Variants in CFAP54 observed in about 807,000 individuals in gnomAD.
The protein encoded by CFAP54 is cilia and flagella associated protein 54, also known as cilia- and flagella-associated protein 54.
Under a neutral mutation model 370.4 loss-of-function variants are expected in CFAP54, and 290 were observed. The observed-to-expected ratio is 0.78, with a 90% confidence interval of 0.71 to 0.86. The LOEUF (loss-of-function observed/expected upper bound fraction) is 0.86, where lower values mean the gene tolerates loss of function less well. CFAP54 is among the 40% of genes least tolerant of loss of function. The pLI, the probability that CFAP54 is intolerant of heterozygous loss-of-function variation, is 0.00. For synonymous variants in CFAP54, 1,206 were observed against 1,236.5 expected, an observed-to-expected ratio of 0.98 and a Z score of 0.52; for missense variants, 3,399 against 3,528.7, an observed-to-expected ratio of 0.96 and a Z score of 0.93.
chr12:96,743,308 C>T (rs2136643233), intron 52 of CFAP54, 94 bp from the exon 53 acceptor site: 2 of 1,230,380 alleles, frequency 1.6e-6, no homozygotes, highest in Non-Finnish European at 2.3e-6. Flanking sequence ...TTTGATATTA[C>T]ACAATATTTC....
intron 42 of CFAP54, among the ~76,000 whole-genome samples, chr12:96,685,893 T>C (rs1418949348): frequency 6.6e-6 from 1 of 152,138 alleles, no homozygotes; most frequent in Non-Finnish European, 1.5e-5. Context: ...GAGCAGTTGG[T>C]GAGGAAGCAG....
At chr12:96,795,929 T>A (rs966195568) in intron 63 of CFAP54, among the ~76,000 whole-genome samples, 8 of 152,142 alleles carry the variant, frequency 5.3e-5, no homozygotes, top group Non-Finnish European at 1.2e-4. Flanking sequence ...AAGTTAGAAA[T>A]GTCTTCCCTG....
intron 50 of CFAP54, among the ~76,000 whole-genome samples, chr12:96,734,223 GA>G (rs1014676991): frequency 2.6e-5 from 4 of 151,778 alleles, no homozygotes; most frequent in African/African-American, 9.7e-5. Context: ...TAACAAATTA[GA>G]AAAAAAATCA....
intron 43 of CFAP54, 145 bp from the exon 44 acceptor site, chr12:96,690,983 A>T: frequency 1.5e-6 from 1 of 664,670 alleles, no homozygotes; most frequent in Non-Finnish European, 2.5e-6. Context: ...TGATAATATA[A>T]ATGATAAGTA....
intron 34 of CFAP54, among the ~76,000 whole-genome samples, chr12:96,648,344 T>TG (rs1956820145): frequency 6.6e-6 from 1 of 152,168 alleles, no homozygotes; most frequent in Non-Finnish European, 1.5e-5. Flanking sequence ...GACTTGCTAT[T>TG]GGGTATTATG....
intron 63 of CFAP54, among the ~76,000 whole-genome samples, chr12:96,796,042 TCCTGTGATATGGACCCTCAGATTCC>T: frequency 6.6e-6 from 1 of 152,306 alleles, no homozygotes; most frequent in South Asian, 2.1e-4. Flanking sequence ...CACATCCTTC[TCCTGTGATATGGACCCTCAGATTCC>T]CCAGTGAGGA....
At chr12:96,511,270 A>G (rs575772115) in intron 4 of CFAP54, among the ~76,000 whole-genome samples, 1 of 152,262 alleles carries the variant, frequency 6.6e-6, no homozygotes, top group Non-Finnish European at 1.5e-5. Flanking sequence ...GTTGTGTTCT[A>G]ATCAAGTAAT....
chr12:96,609,953 A>C (rs1440059547), intron 26 of CFAP54, among the ~76,000 whole-genome samples: 1 of 152,236 alleles, frequency 6.6e-6, no homozygotes, highest in Non-Finnish European at 1.5e-5. Flanking sequence ...AGAAGTGCAG[A>C]TCCTTCCTAA....
intron 32 of CFAP54, among the ~76,000 whole-genome samples, chr12:96,633,696 G>A (rs1362163485): frequency 6.6e-6 from 1 of 152,106 alleles, no homozygotes; most frequent in Non-Finnish European, 1.5e-5. Flanking sequence ...CATTTAGATT[G>A]TTTCTAATCC....
intron 9 of CFAP54, 72 bp from the exon 10 acceptor site, chr12:96,533,720 T>C (rs2160500): frequency 0.44 from 508,504 of 1,147,030 alleles, 116,030 homozygotes; most frequent in South Asian, 0.47. Flanking sequence ...TGCCTGAAAG[T>C]GTCTATAGTG....
intron 64 of CFAP54, among the ~76,000 whole-genome samples, chr12:96,814,892 T>G (rs1163572100): frequency 6.6e-6 from 1 of 152,200 alleles, no homozygotes; most frequent in Non-Finnish European, 1.5e-5. Flanking sequence ...AACTCACTCT[T>G]TTTTTATGGC....
At position 96,507,072 on chromosome 12, in the gene CFAP54, G is replaced by A. The variant is rs1458899874; in HGVS notation, c.712G>A (p.Glu238Lys). ...CATCATGCAAGTGGCTCTGCCACAA[G>A]AGCATCTTTGCTGGATTATCTTCAA... ...RLIMQVALPQ[E>K]HLCWIIFNGT... The change falls in exon 4 of 68, where the codon GAG (glutamate) becomes AAG (lysine). Residue 238 changes from glutamate to lysine, a missense_variant. Glu to Lys is a moderately conservative substitution (Grantham distance 56). Around this residue, in one of 3 missense-constraint regions of CFAP54, gnomAD observed 559 missense variants for 576.7 expected, o/e 0.97. Transcript: ENST00000524981. The A allele has an allele frequency of 3.3e-6, 5 of 1,533,294 alleles. No homozygotes were observed. The highest frequency in any genetic ancestry group is 4.4e-6 in the Non-Finnish European group (5 of 1,146,148). 95.0% of individuals were successfully genotyped at this position (1,533,294 alleles called of 1,614,324 possible).
chr12:96,548,002 T>G, intron 15 of CFAP54, 24 bp downstream of exon 15: 4 of 1,132,042 alleles, frequency 3.5e-6, no homozygotes, highest in Non-Finnish European at 4.9e-6. Flanking sequence ...TTTAGAAAAT[T>G]TAGGTGAAAC....
chr12:96,539,722 A>T (rs941883314), intron 13 of CFAP54, among the ~76,000 whole-genome samples: 4 of 152,250 alleles, frequency 2.6e-5, no homozygotes, highest in East Asian at 3.9e-4. Context: ...ATCTGAGGTC[A>T]TATGAGCTTG....
intron 1 of CFAP54, 126 bp downstream of exon 1, chr12:96,490,052 C>T: frequency 2.4e-6 from 2 of 821,838 alleles, no homozygotes; most frequent in Non-Finnish European, 3.7e-6. Flanking sequence ...GGCTGAAGGG[C>T]CCAGGAGAGA....
At chr12:96,558,029 C>T (rs991940496) in intron 17 of CFAP54, among the ~76,000 whole-genome samples, 2 of 151,932 alleles carry the variant, frequency 1.3e-5, no homozygotes, top group African/African-American at 4.8e-5. Context: ...GAGTTTAGGA[C>T]AGTGGTTCCT....
intron 65 of CFAP54, among the ~76,000 whole-genome samples, chr12:96,826,889 TATATG>T (rs1959119669): frequency 8.3e-6 from 1 of 120,080 alleles, no homozygotes; most frequent in Non-Finnish European, 1.6e-5. Flanking sequence ...TATATAATAT[TATATG>T]ATATATTATA....
intron 65 of CFAP54, among the ~76,000 whole-genome samples, chr12:96,824,649 T>A (rs374421388): frequency 2.2e-4 from 34 of 152,242 alleles, no homozygotes; most frequent in African/African-American, 7.5e-4. Context: ...CCCTGACTAG[T>A]GCTGGGTAGT....
At chr12:96,718,220 A>G (rs913350841) in intron 48 of CFAP54, among the ~76,000 whole-genome samples, 2 of 152,006 alleles carry the variant, frequency 1.3e-5, no homozygotes, top group African/African-American at 4.8e-5. Flanking sequence ...TTAGCCGGGC[A>G]TGGTGGTGTG....
Sources: gnomAD v4.1 joint callset for allele counts (sites outside exome capture counted in the v4.1 genomes callset) on GRCh38, gnomAD v4.1.1 for gene constraint, gnomAD v4.1.1 regional missense constraint, MANE v1.5 for transcripts, NCBI Gene and HGNC (gene_info 2026-07-23, HGNC 2026-07-21) for gene names.